The following IGSF3 variants were observed in gnomAD, a reference collection of about 807,000 sequenced individuals.
The protein encoded by IGSF3 is glu-Trp-Ile EWI motif-containing protein 3.
In IGSF3, 23 loss-of-function variants were observed where a neutral mutation model predicts 114.4. That is an observed-to-expected ratio of 0.20 (90% confidence interval 0.14 to 0.28). The LOEUF (loss-of-function observed/expected upper bound fraction) is 0.28, where lower values mean the gene tolerates loss of function less well. IGSF3 is among the 10% of genes least tolerant of loss of function. The probability of loss-of-function intolerance (pLI) is 1.00; values close to 1 mark genes in which losing one functional copy is unlikely to be tolerated. For synonymous variants in IGSF3, 571 were observed against 645.2 expected, an observed-to-expected ratio of 0.88 and a Z score of 1.74; for missense variants, 1,172 against 1,591.5, an observed-to-expected ratio of 0.74 and a Z score of 4.48.
rs940931703 is a variant in IGSF3, at chr1:116,636,698, C to G, written c.44-20241G>C. 5.3e-5 allele frequency among the ~76,000 whole-genome samples: 8 copies of G among 152,134 alleles called. No homozygotes were observed. Among genetic ancestry groups the G allele is most frequent in the African/African-American group, 1.7e-4 (7 of 41,432 alleles). ...CAAGCCAGTGAAGAGGGGCTGGAAC[C>G]CTGTCTTTTGCCTCGAAGCACAGGG... is the stretch of plus-strand genomic sequence containing the variant. On this transcript the variant is annotated intron_variant, in intron 2 of 10. Coordinates refer to ENST00000369486, the MANE Select transcript of IGSF3 (RefSeq NM_001007237.3). This position sits in a 1 kb window ranked among gnomAD's most constrained non-coding sequence, Gnocchi z 4.5.
In IGSF3 at chr1:116,582,289, C is replaced by T. The variant is rs1659633432; in HGVS notation, c.2848+2356G>A. ...ACTCTCTTCTTTTCCAAGTATAAGC[C>T]ATGGAAAGATGCCGACCTCTGCCCC... On this transcript the variant is annotated intron_variant, in intron 9 of 10. Transcript: ENST00000369486. The surrounding 1 kb of genome is among the most constrained non-coding windows in gnomAD (Gnocchi z 4.7). Among the ~76,000 whole-genome samples the T allele has an allele frequency of 6.6e-6, 1 of 152,168 alleles. No homozygotes were observed. Among genetic ancestry groups the T allele is most frequent in the Non-Finnish European group, 1.5e-5 (1 of 68,032 alleles).
In IGSF3 at chr1:116,613,868, T is replaced by C. The variant is rs61786652; in HGVS notation, c.729A>G (p.Glu243=). 2.3e-4 allele frequency: 364 copies of C among 1,613,942 alleles called. No individual in the cohort carries two copies. Among genetic ancestry groups the C allele is most frequent in the Non-Finnish European group, 2.9e-4 (343 of 1,179,832 alleles). ...TCCACTCGGCGGCCTCGCAGTAGAA[T>C]TCGCCCTGGTCAGAAGGCTGCAGGT... ...IFHLQPSDQG[E]FYCEAAEWIQ... is the part of the protein sequence containing the mutation. Residue 243 remains glutamate (E), a synonymous_variant, in exon 4 of 11, where the codon GAA becomes GAG. Transcript: ENST00000369486.
At chr1:116,604,132 G>A (rs1571146506) in intron 5 of IGSF3, 107 bp from the exon 6 acceptor site, 10 of 1,055,818 alleles carry the variant, frequency 9.5e-6, no homozygotes, top group Middle Eastern at 3.1e-4. Flanking sequence ...ATTCAGGTAC[G>A]GTGAGCCTCA....
At position 116,628,241 on chromosome 1, in the gene IGSF3, T is replaced by C. The variant is rs1047841143; in HGVS notation, c.44-11784A>G. Among the ~76,000 whole-genome samples, 2 of 151,990 alleles carry C rather than the reference T, an allele frequency of 1.3e-5. No individual in the cohort carries two copies. The highest frequency in any genetic ancestry group is 4.8e-5 in the African/African-American group (2 of 41,414). On this transcript the variant is annotated intron_variant, in intron 2 of 10. Coordinates refer to ENST00000369486, the MANE Select transcript of IGSF3 (RefSeq NM_001007237.3). This position sits in a 1 kb window ranked among gnomAD's most constrained non-coding sequence, Gnocchi z 4.2. ...ACCTTTGTGACTTAGACCACCCTCC[T>C]CAGGACAGCTCCCGCCACTCTTCAG...
rs1197807051 is a variant in IGSF3, at chr1:116,648,030, G to A, written c.43+18254C>T. Among the ~76,000 whole-genome samples, 2 of 152,268 alleles carry A rather than the reference G, an allele frequency of 1.3e-5. No individual in the cohort carries two copies. The highest frequency in any genetic ancestry group is 3.9e-4 in the East Asian group (2 of 5,178). ...GAGGCAGGAGAATCGCTTGAACCTG[G>A]GAGGCAGAGGTTGCGATAAGCTGAG... On this transcript the variant is annotated intron_variant, in intron 2 of 10. Transcript: ENST00000369486. This position sits in a 1 kb window ranked among gnomAD's most constrained non-coding sequence, Gnocchi z 4.7.
chr1:116,606,976 C>T (rs530906468), intron 5 of IGSF3, among the ~76,000 whole-genome samples: 6 of 152,060 alleles, frequency 3.9e-5, no homozygotes, highest in South Asian at 2.1e-4. Flanking sequence ...ACAAGAGGAC[C>T]GCTGTGGCTA....
In IGSF3 at chr1:116,651,792, T is replaced by C. The variant is rs1648644298; in HGVS notation, c.43+14492A>G. 6.6e-6 allele frequency among the ~76,000 whole-genome samples: 1 copy of C among 152,182 alleles called. No individual in the cohort carries two copies. The highest frequency in any genetic ancestry group is 2.1e-4 in the South Asian group (1 of 4,826). On this transcript the variant is annotated intron_variant, in intron 2 of 10. Transcript: ENST00000369486. The surrounding 1 kb of genome is among the most constrained non-coding windows in gnomAD (Gnocchi z 4.4). ...AAGTAACCCCTATCTTAATGGAACT[T>C]AAAATCTAGTTTATTAAACCATTAC...
intron 7 of IGSF3, among the ~76,000 whole-genome samples, chr1:116,597,279 C>T (rs1169412379): frequency 2.0e-5 from 3 of 152,218 alleles, no homozygotes; most frequent in Admixed American, 6.5e-5. Context: ...CAGTCTCCAG[C>T]GCACAGTCAG....
chr1:116,574,475 A>C lies in IGSF3; in HGVS notation c.*2837T>G, dbSNP rs1422220252. On this transcript the variant is annotated 3_prime_UTR_variant, in exon 11 of 11. Coordinates refer to ENST00000369486, the MANE Select transcript of IGSF3 (RefSeq NM_001007237.3). The surrounding 1 kb of genome is among the most constrained non-coding windows in gnomAD (Gnocchi z 5.2). ...AAATGTTTTAGTGCAACATCTTACA[A>C]ATAGTTTTCCTTTAAAAAAACAGAA... 6.6e-6 allele frequency: 1 copy of C among 152,668 alleles called. No individual in the cohort carries two copies. The highest frequency in any genetic ancestry group is 1.5e-5 in the Non-Finnish European group (1 of 68,040). The allele number at this position is 152,668 out of a possible 1,614,324, so 9.5% of individuals were successfully genotyped here. A position where few individuals can be genotyped will look rare whatever the true frequency, so the allele number is the denominator to read the frequency against.
At chr1:116,626,411 C>T (rs982486211) in intron 2 of IGSF3, among the ~76,000 whole-genome samples, 8 of 152,106 alleles carry the variant, frequency 5.3e-5, no homozygotes, top group African/African-American at 1.9e-4. Flanking sequence ...TCCCATTTTT[C>T]CTCTTTATAT....
intron 2 of IGSF3, among the ~76,000 whole-genome samples, chr1:116,622,056 C>T (rs1661437729): frequency 6.6e-6 from 1 of 152,144 alleles, no homozygotes; most frequent in Admixed American, 6.6e-5. Flanking sequence ...CCTCTCTAGG[C>T]ACAGGATCCA....
chr1:116,660,479 C>CTTTTTTT (rs71274759), intron 2 of IGSF3, among the ~76,000 whole-genome samples: 35 of 99,708 alleles, frequency 3.5e-4, no homozygotes, highest in East Asian at 1.2e-3. Flanking sequence ...GTATGCTTTT[C>CTTTTTTT]TTTTTTTTTT....
chr1:116,630,173 G>C (rs1647492300), intron 2 of IGSF3, among the ~76,000 whole-genome samples: 2 of 152,230 alleles, frequency 1.3e-5, no homozygotes, highest in Non-Finnish European at 2.9e-5. Context: ...ACAAAGCAGT[G>C]ATGGTTCAAA....
intron 7 of IGSF3, among the ~76,000 whole-genome samples, chr1:116,599,701 A>G (rs1313333988): frequency 6.6e-6 from 1 of 152,208 alleles, no homozygotes; most frequent in Non-Finnish European, 1.5e-5. Flanking sequence ...CTCAAAAACA[A>G]CAACAAACAT....
At position 116,592,114 on chromosome 1, in the gene IGSF3, G is replaced by A. The variant is rs1253200085; in HGVS notation, c.2030-3010C>T. Among the ~76,000 whole-genome samples the A allele has an allele frequency of 1.3e-5, 2 of 152,120 alleles. No individual in the cohort carries two copies. Among genetic ancestry groups the A allele is most frequent in the African/African-American group, 4.8e-5 (2 of 41,428 alleles). Reference sequence around the variant, plus strand: ...GTGCTGTTCTCGGACCAGCAGCACTGGGAGCTTGTTAGAAATGCAGACTCT... The same window carrying A: ...GTGCTGTTCTCGGACCAGCAGCACTAGGAGCTTGTTAGAAATGCAGACTCT... On this transcript the variant is annotated intron_variant, in intron 7 of 10. Coordinates refer to ENST00000369486, the MANE Select transcript of IGSF3 (RefSeq NM_001007237.3). The surrounding 1 kb of genome is among the most constrained non-coding windows in gnomAD (Gnocchi z 4.5).
Position 116,585,549 on chromosome 1 carries a change from A to G in IGSF3, c.2441-497T>C, listed in dbSNP as rs1659804167. On this transcript the variant is annotated intron_variant, in intron 8 of 10. Coordinates refer to ENST00000369486, the MANE Select transcript of IGSF3 (RefSeq NM_001007237.3). This position sits in a 1 kb window ranked among gnomAD's most constrained non-coding sequence, Gnocchi z 4.9. ...TTTAATCTGTTCATGTGTTAGCCCT[A>G]CGAATTGTAGTCCAACATCCTTACA... Among the ~76,000 whole-genome samples, 1 of 152,210 alleles carries G rather than the reference A, an allele frequency of 6.6e-6. No individual in the cohort carries two copies. Among genetic ancestry groups the G allele is most frequent in the Non-Finnish European group, 1.5e-5 (1 of 68,036 alleles).
At chr1:116,663,822 G>A (rs1035518691) in intron 2 of IGSF3, among the ~76,000 whole-genome samples, 1 of 152,078 alleles carries the variant, frequency 6.6e-6, no homozygotes, top group African/African-American at 2.4e-5. Flanking sequence ...ACCTGCATCG[G>A]TCTCACTTTC....
chr1:116,658,251 G>C (rs1325863622), intron 2 of IGSF3, among the ~76,000 whole-genome samples: 1 of 152,076 alleles, frequency 6.6e-6, no homozygotes, highest in African/African-American at 2.4e-5. Context: ...TGTTGGTCAG[G>C]CTGGTCTTGA....
At chr1:116,652,385 A>G (rs1294293604) in intron 2 of IGSF3, among the ~76,000 whole-genome samples, 6 of 152,250 alleles carry the variant, frequency 3.9e-5, no homozygotes, top group Non-Finnish European at 5.9e-5. Flanking sequence ...CTTAAAAGTA[A>G]TAACAGTGAA....
Sources: gnomAD v4.1 joint callset for allele counts (sites outside exome capture counted in the v4.1 genomes callset) on GRCh38, gnomAD v4.1.1 for gene constraint, Gnocchi (gnomAD v3.1) non-coding constraint, MANE v1.5 for transcripts, NCBI Gene and HGNC (gene_info 2026-07-23, HGNC 2026-07-21) for gene names.